The following TOM1L2 variants were observed in gnomAD, a reference collection of about 807,000 sequenced individuals.
TOM1L2 encodes the protein target of myb1 like 2 membrane trafficking protein.
In TOM1L2, 31 loss-of-function variants were observed where a neutral mutation model predicts 67.9. The observed-to-expected ratio is 0.46, with a 90% CI of 0.34 to 0.62. The LOEUF (loss-of-function observed/expected upper bound fraction) is 0.62. Ranked by LOEUF, TOM1L2 falls within the 20% of genes least tolerant of loss-of-function variation. The pLI is 0.01. For missense variants in TOM1L2, 606 were observed against 663.5 expected (o/e 0.91, Z 0.95); for synonymous variants, 256 against 254.0 (o/e 1.01, Z -0.07).
chr17:17,855,694 C>T (rs1000585763), intron 12 of TOM1L2, among the ~76,000 whole-genome samples: 6 of 152,192 alleles, frequency 3.9e-5, no homozygotes, highest in Admixed American at 3.9e-4. Context: ...TTCCCACAGC[C>T]CCATGCCCAC....
chr17:17,884,172 G>A (rs1276038336), intron 5 of TOM1L2, among the ~76,000 whole-genome samples: 1 of 152,178 alleles, frequency 6.6e-6, no homozygotes, highest in Non-Finnish European at 1.5e-5. Flanking sequence ...ATTCTGGATT[G>A]ATGCTGAATA....
At chr17:17,892,487 G>C (rs2038339449) in intron 4 of TOM1L2, among the ~76,000 whole-genome samples, 1 of 152,048 alleles carries the variant, frequency 6.6e-6, no homozygotes, top group Non-Finnish European at 1.5e-5. Flanking sequence ...TAAAACCCAG[G>C]TCTGCACACA....
chr17:17,884,749 C>CA lies in TOM1L2; in HGVS notation c.385_386insT (p.Arg129LeufsTer5). 1 of 1,613,604 alleles carries CA rather than the reference C, an allele frequency of 6.2e-7. No homozygotes were observed. Among genetic ancestry groups the CA allele is most frequent in the Non-Finnish European group, 8.5e-7 (1 of 1,180,030 alleles). On this transcript the variant is annotated frameshift_variant, in exon 5 of 15. Transcript: ENST00000379504. LOFTEE classifies it high-confidence loss of function. The stretch of plus-strand genomic sequence containing the variant: ...AACGCCGGTGAGATCAGGACTGCTT[C>CA]GAAAGGCATCAGCCCATGCCTGGGA...
At chr17:17,864,638 A>T (rs2036748865) in intron 10 of TOM1L2, among the ~76,000 whole-genome samples, 1 of 151,512 alleles carries the variant, frequency 6.6e-6, no homozygotes, top group Admixed American at 6.6e-5. Flanking sequence ...CAACCCCCCT[A>T]GTAGTTGGGA....
At chr17:17,899,932 C>T (rs570824804) in intron 2 of TOM1L2, among the ~76,000 whole-genome samples, 12 of 123,636 alleles carry the variant, frequency 9.7e-5, no homozygotes, top group South Asian at 4.4e-4. Flanking sequence ...GAAACTGGGC[C>T]GGGCATGGTG....
chr17:17,885,300 A>T (rs75406820), intron 4 of TOM1L2, among the ~76,000 whole-genome samples: 1,973 of 152,372 alleles, frequency 0.013, 24 homozygotes, highest in Non-Finnish European at 0.018. Context: ...TCCTCAGATC[A>T]GAGACAACTA....
At chr17:17,945,658 G>C (rs866920545) in intron 1 of TOM1L2, among the ~76,000 whole-genome samples, 11 of 152,160 alleles carry the variant, frequency 7.2e-5, no homozygotes, top group African/African-American at 2.7e-4. Context: ...GTGAGCAAAA[G>C]TGACCTTAAT....
intron 1 of TOM1L2, among the ~76,000 whole-genome samples, chr17:17,922,251 G>C (rs1026229026): frequency 2.0e-5 from 3 of 152,218 alleles, no homozygotes; most frequent in Middle Eastern, 3.4e-3. Flanking sequence ...GCAGGAATTT[G>C]AAGAGAGAGG....
At chr17:17,860,949 G>A (rs745534671) in intron 12 of TOM1L2, among the ~76,000 whole-genome samples, 3 of 152,184 alleles carry the variant, frequency 2.0e-5, no homozygotes, top group Admixed American at 6.5e-5. Context: ...CCTGGCTCTC[G>A]AGTGCCTTCT....
intron 2 of TOM1L2, 98 bp from the exon 3 acceptor site, chr17:17,898,772 G>A (rs1307616190): frequency 1.0e-5 from 12 of 1,192,120 alleles, no homozygotes; most frequent in Non-Finnish European, 1.5e-5. Context: ...ACTATTTGCT[G>A]GCTGCAGCAT....
intron 6 of TOM1L2, among the ~76,000 whole-genome samples, 165 bp downstream of exon 6, chr17:17,882,540 C>T (rs2037778333): frequency 6.6e-6 from 1 of 152,220 alleles, no homozygotes; most frequent in Non-Finnish European, 1.5e-5. Context: ...CACAATCCAT[C>T]ATGACTTCCT....
At chr17:17,898,702 T>C (rs759362498) in intron 2 of TOM1L2, 28 bp from the exon 3 acceptor site, 1 of 1,612,620 alleles carries the variant, frequency 6.2e-7, no homozygotes, top group East Asian at 2.2e-5. Context: ...CATATAAAGA[T>C]ACTTACAATC....
chr17:17,863,313 G>A (rs2036663046), intron 10 of TOM1L2: 1 of 159,378 alleles, frequency 6.3e-6, no homozygotes, highest in Non-Finnish European at 1.4e-5. Context: ...GAAGGTCAGA[G>A]TGGGCAAGAG....
At chr17:17,950,108 G>T (rs891676935) in intron 1 of TOM1L2, among the ~76,000 whole-genome samples, 10 of 151,898 alleles carry the variant, frequency 6.6e-5, no homozygotes, top group African/African-American at 2.4e-4. Flanking sequence ...TGATCTGCCC[G>T]CCTCGGCCTC....
intron 1 of TOM1L2, among the ~76,000 whole-genome samples, chr17:17,919,133 T>C (rs1438869234): frequency 6.6e-6 from 1 of 152,160 alleles, no homozygotes; most frequent in Admixed American, 6.6e-5. Context: ...CTACAGGCAA[T>C]AACTTGACCT....
rs1325687222 is a variant in TOM1L2 at position 17,911,658 on chromosome 17, A to G, written c.53-4127T>C. Among the ~76,000 whole-genome samples the G allele has an allele frequency of 8.7e-5, 13 of 150,118 alleles. No homozygotes were observed. In the South Asian group the frequency reaches 1.7e-3, roughly 20 times the overall value. ...TAGCTGGAAATTCTTTTTTTTTTTT[A>G]ATTTTTTTATTTTTTATTGATCATT... On this transcript the variant is annotated intron_variant, in intron 1 of 14. Coordinates refer to ENST00000379504, the MANE Select transcript of TOM1L2 (RefSeq NM_001082968.2).
chr17:17,865,477 A>G (rs2036795559), intron 10 of TOM1L2, among the ~76,000 whole-genome samples: 1 of 151,734 alleles, frequency 6.6e-6, no homozygotes, highest in Admixed American at 6.6e-5. Context: ...CCCGGGTTCA[A>G]GCAATTCTCC....
At chr17:17,958,820 G>T (rs973211810) in intron 1 of TOM1L2, among the ~76,000 whole-genome samples, 14 of 152,214 alleles carry the variant, frequency 9.2e-5, no homozygotes, top group African/African-American at 3.4e-4. Context: ...ACATTTCAGT[G>T]TTGGAACTTT....
At chr17:17,860,757 A>T (rs1222707285) in intron 12 of TOM1L2, among the ~76,000 whole-genome samples, 1 of 152,200 alleles carries the variant, frequency 6.6e-6, no homozygotes, top group Non-Finnish European at 1.5e-5. Flanking sequence ...CAAAAATCTC[A>T]TGAGAAGCAT....
Sources: allele counts gnomAD v4.1 joint callset (sites outside exome capture counted in the v4.1 genomes callset), GRCh38; gene constraint gnomAD v4.1.1; transcripts MANE v1.5; gene names NCBI Gene and HGNC (gene_info 2026-07-23, HGNC 2026-07-21).